The following CSMD1 variants were observed in gnomAD, a reference collection of about 807,000 sequenced individuals.
CSMD1 encodes the protein CUB and Sushi multiple domains 1, also known as CUB and sushi domain-containing protein 1.
A neutral mutation model predicts 417.5 loss-of-function variants in CSMD1; 213 were observed. That is an observed-to-expected ratio of 0.51 (90% CI 0.46 to 0.57). The LOEUF (loss-of-function observed/expected upper bound fraction) is 0.57, where lower values mean the gene tolerates loss of function less well. Ranked by LOEUF, CSMD1 falls within the 20% of genes least tolerant of loss-of-function variation. The pLI is 0.00. For missense variants in CSMD1, 6,923 were observed against 4,529.7 expected, an observed-to-expected ratio of 1.53 and a Z score of -15.17; for synonymous variants, 2,862 against 1,736.8, an observed-to-expected ratio of 1.65 and a Z score of -16.11.
chr8:4,449,183 C>T (rs1345329622), intron 2 of CSMD1, among the ~76,000 whole-genome samples: 5 of 152,012 alleles, frequency 3.3e-5, no homozygotes, highest in African/African-American at 4.8e-5. Context: ...AAAGCAAGTA[C>T]ATTCTTCTAC....
intron 11 of CSMD1, among the ~76,000 whole-genome samples, chr8:3,475,682 T>G (rs991718935): frequency 6.6e-6 from 1 of 152,338 alleles, no homozygotes; most frequent in South Asian, 2.1e-4. Context: ...CTCACATTGA[T>G]ATGTCTGGTT....
intron 2 of CSMD1, among the ~76,000 whole-genome samples, chr8:4,540,806 T>A (rs982515748): frequency 6.6e-6 from 1 of 152,036 alleles, no homozygotes; most frequent in Admixed American, 6.6e-5. Context: ...ATTATCCCCA[T>A]TTTACAGATG....
At chr8:3,927,369 T>C (rs1301903637) in intron 5 of CSMD1, among the ~76,000 whole-genome samples, 1 of 151,944 alleles carries the variant, frequency 6.6e-6, no homozygotes, top group African/African-American at 2.4e-5. Context: ...TATCACTGTA[T>C]AACAGAAAAC....
chr8:3,103,588 T>A (rs1004355750), intron 46 of CSMD1, among the ~76,000 whole-genome samples: 4 of 151,256 alleles, frequency 2.6e-5, no homozygotes, highest in Non-Finnish European at 5.9e-5. Flanking sequence ...AGCTTCATTA[T>A]AATCTTACAG....
chr8:2,987,124 T>C (rs951989410), intron 54 of CSMD1, among the ~76,000 whole-genome samples: 1 of 152,102 alleles, frequency 6.6e-6, no homozygotes, highest in Non-Finnish European at 1.5e-5. Context: ...TATTTTTCTA[T>C]CATATTTTAC....
At chr8:3,538,318 T>C (rs1484346449) in intron 10 of CSMD1, among the ~76,000 whole-genome samples, 1 of 152,186 alleles carries the variant, frequency 6.6e-6, no homozygotes, top group Non-Finnish European at 1.5e-5. Flanking sequence ...ACACGTGCGA[T>C]GCCTCATCTG....
intron 25 of CSMD1, among the ~76,000 whole-genome samples, chr8:3,300,291 A>G (rs986963407): frequency 6.6e-6 from 1 of 152,208 alleles, no homozygotes; most frequent in African/African-American, 2.4e-5. Context: ...AAAAAATTTT[A>G]AAAAGCTATA....
intron 3 of CSMD1, among the ~76,000 whole-genome samples, chr8:4,121,343 G>A (rs1348278191): frequency 6.6e-6 from 1 of 152,078 alleles, no homozygotes; most frequent in Non-Finnish European, 1.5e-5. Flanking sequence ...TCAAACTCCT[G>A]ACCTCAGATG....
chr8:3,591,472 C>T (rs985888107), intron 8 of CSMD1, among the ~76,000 whole-genome samples: 5 of 152,150 alleles, frequency 3.3e-5, no homozygotes, highest in African/African-American at 1.2e-4. Flanking sequence ...ACTTATTAAA[C>T]ATTGGTATCA....
At chr8:3,338,361 C>T (rs1807412894) in intron 23 of CSMD1, among the ~76,000 whole-genome samples, 1 of 152,136 alleles carries the variant, frequency 6.6e-6, no homozygotes, top group African/African-American at 2.4e-5. Context: ...GGGCAGTAGA[C>T]CCTGACCAAG....
At chr8:4,111,385 G>C (rs1349257373) in intron 3 of CSMD1, among the ~76,000 whole-genome samples, 1 of 152,128 alleles carries the variant, frequency 6.6e-6, no homozygotes, top group Non-Finnish European at 1.5e-5. Context: ...GAAATAAACA[G>C]TATTAAAAAA....
chr8:3,912,538 T>A (rs1008886544), intron 5 of CSMD1, among the ~76,000 whole-genome samples: 2 of 152,164 alleles, frequency 1.3e-5, no homozygotes, highest in Admixed American at 1.3e-4. Context: ...GGGGGCTGGT[T>A]AATCTTAGCT....
chr8:4,191,209 A>G (rs2131215364), intron 3 of CSMD1, among the ~76,000 whole-genome samples: 1 of 152,312 alleles, frequency 6.6e-6, no homozygotes, highest in South Asian at 2.1e-4. Context: ...ATCCCGGCTA[A>G]CATGGTGAAA....
At chr8:3,840,361 C>T (rs1465746954) in intron 5 of CSMD1, among the ~76,000 whole-genome samples, 1 of 152,084 alleles carries the variant, frequency 6.6e-6, no homozygotes, top group Non-Finnish European at 1.5e-5. Context: ...AACTCTAGTG[C>T]ACAAATATGC....
chr8:3,862,454 G>A (rs6558826), intron 5 of CSMD1, among the ~76,000 whole-genome samples: 70,088 of 151,912 alleles, frequency 0.46, 19,807 homozygotes, highest in African/African-American at 0.8. Context: ...GTTCCTTCTC[G>A]TAATTCAAAT....
chr8:4,250,736 T>G (rs905981596), intron 3 of CSMD1, among the ~76,000 whole-genome samples: 1 of 152,156 alleles, frequency 6.6e-6, no homozygotes, highest in African/African-American at 2.4e-5. Flanking sequence ...AAAGAAAGTT[T>G]GCAAAGAAAA....
chr8:3,007,949 A>G (rs1474630380), intron 52 of CSMD1, among the ~76,000 whole-genome samples: 6 of 152,200 alleles, frequency 3.9e-5, no homozygotes, highest in Admixed American at 6.5e-5. Context: ...TTAAAAAAAG[A>G]AAGCTTTGTT....
intron 5 of CSMD1, among the ~76,000 whole-genome samples, chr8:3,834,259 C>A (rs1394265036): frequency 6.6e-6 from 1 of 152,070 alleles, no homozygotes; most frequent in Non-Finnish European, 1.5e-5. Flanking sequence ...CATATATTCT[C>A]ATCTGTATCT....
intron 25 of CSMD1, among the ~76,000 whole-genome samples, chr8:3,294,425 A>G (rs1803809751): frequency 6.6e-6 from 1 of 152,154 alleles, no homozygotes; most frequent in Non-Finnish European, 1.5e-5. Flanking sequence ...GCAGAGGTGG[A>G]GTCTACAGAG....
Sources: allele counts gnomAD v4.1 joint callset (sites outside exome capture counted in the v4.1 genomes callset), GRCh38; gene constraint gnomAD v4.1.1; transcripts MANE v1.5; gene names NCBI Gene and HGNC (gene_info 2026-07-23, HGNC 2026-07-21).